RBFOX1: variants seen among roughly 807,000 people sequenced by gnomAD.
The protein encoded by RBFOX1 is RNA binding fox-1 homolog 1.
RBFOX1 carries 8 observed loss-of-function variants against 57.7 expected under a neutral mutation model. The ratio of observed to expected loss-of-function variants is 0.14; its 90% CI spans 0.08 to 0.25. The LOEUF (loss-of-function observed/expected upper bound fraction) is 0.25, where lower values mean the gene tolerates loss of function less well. RBFOX1 is among the 10% of genes least tolerant of loss of function. The pLI is 1.00. For missense variants in RBFOX1, 611 were observed against 548.5 expected (o/e 1.11, Z -1.14); for synonymous variants, 326 against 222.4 (o/e 1.47, Z -4.15).
chr16:7,663,790 C>G (rs2068432868), intron 12 of RBFOX1, among the ~76,000 whole-genome samples: 1 of 152,156 alleles, frequency 6.6e-6, no homozygotes, highest in South Asian at 2.1e-4. Flanking sequence ...TGCAAGATGC[C>G]TTGTGATCCT....
At chr16:7,062,527 T>C (rs1413922868) in intron 4 of RBFOX1, among the ~76,000 whole-genome samples, 1 of 152,094 alleles carries the variant, frequency 6.6e-6, no homozygotes, top group African/African-American at 2.4e-5. Context: ...CTGCCTATGG[T>C]AGCTAGTACT....
chr16:5,952,501 G>T (rs754942382), intron 4 of RBFOX1, among the ~76,000 whole-genome samples: 1 of 152,078 alleles, frequency 6.6e-6, no homozygotes. Flanking sequence ...TGCCCAGGCT[G>T]GTCTCGAACC....
intron 11 of RBFOX1, among the ~76,000 whole-genome samples, chr16:7,653,317 A>C (rs1471403728): frequency 2.0e-5 from 3 of 152,176 alleles, no homozygotes; most frequent in African/African-American, 7.2e-5. Context: ...CCGGGGCAAC[A>C]AAGGGAGATC....
intron 3 of RBFOX1, among the ~76,000 whole-genome samples, chr16:6,726,102 G>A (rs2067107990): frequency 6.6e-6 from 1 of 152,114 alleles, no homozygotes; most frequent in Non-Finnish European, 1.5e-5. Context: ...TTAAATATGA[G>A]AGAACTTTGT....
In RBFOX1 at chr16:7,354,706, G is replaced by C. The variant is rs530641976; in HGVS notation, c.28-163441G>C. ...AGCACTCTCTGGAAACATACTGTGC[G>C]ATATGACGGCCACTAGTCACGTGTC... On this transcript the variant is annotated intron_variant, in intron 4 of 15. Transcript: ENST00000550418. Among the ~76,000 whole-genome samples the C allele has an allele frequency of 1.2e-4, 19 of 152,236 alleles. No individual in the cohort carries two copies. In the South Asian group the frequency reaches 3.9e-3, roughly 32 times the overall value.
At chr16:5,386,314 G>C (rs2066254184) in intron 1 of RBFOX1, among the ~76,000 whole-genome samples, 1 of 152,078 alleles carries the variant, frequency 6.6e-6, no homozygotes, top group South Asian at 2.1e-4. Flanking sequence ...GAAATGACCA[G>C]GTGTGGATGG....
intron 1 of RBFOX1, among the ~76,000 whole-genome samples, chr16:5,357,223 A>C (rs1240448764): frequency 6.6e-6 from 1 of 152,178 alleles, no homozygotes; most frequent in East Asian, 1.9e-4. Context: ...TGCCACAGCC[A>C]TGTTTGTTCT....
At chr16:7,276,211 A>G (rs1322915281) in intron 4 of RBFOX1, among the ~76,000 whole-genome samples, 3 of 152,224 alleles carry the variant, frequency 2.0e-5, no homozygotes, top group Non-Finnish European at 4.4e-5. Flanking sequence ...GTGAAGCAGT[A>G]TCCAGAGACT....
At chr16:5,962,515 C>G (rs920684443) in intron 4 of RBFOX1, among the ~76,000 whole-genome samples, 2 of 152,174 alleles carry the variant, frequency 1.3e-5, no homozygotes, top group African/African-American at 4.8e-5. Flanking sequence ...ATCATCCTCT[C>G]TGGCCTAAAA....
chr16:7,059,663 T>C lies in RBFOX1; in HGVS notation c.27+7565T>C, dbSNP rs1598391372. Among the ~76,000 whole-genome samples, 4 of 152,312 alleles carry C rather than the reference T, an allele frequency of 2.6e-5. No homozygotes were observed. The South Asian group carries it at 8.3e-4, about 32-fold the overall frequency. ...TCACTTATCAAACGTACCAGATTAA[T>C]ACATACTGTCCCATCTCTTTATAAA... On this transcript the variant is annotated intron_variant, in intron 4 of 15. Coordinates refer to ENST00000550418, the MANE Select transcript of RBFOX1 (RefSeq NM_018723.4).
chr16:6,450,823 A>ATG (rs2094592714), intron 2 of RBFOX1, among the ~76,000 whole-genome samples: 3 of 33,500 alleles, frequency 9.0e-5, no homozygotes, highest in East Asian at 6.1e-4. Flanking sequence ...ATATACATAT[A>ATG]TATATATATA....
At chr16:6,645,852 A>C (rs1235541155) in intron 2 of RBFOX1, among the ~76,000 whole-genome samples, 1 of 152,112 alleles carries the variant, frequency 6.6e-6, no homozygotes, top group East Asian at 1.9e-4. Flanking sequence ...TGCTTCTCTT[A>C]CAAATAGGGA....
At chr16:7,435,863 G>A (rs2149722366) in intron 4 of RBFOX1, among the ~76,000 whole-genome samples, 1 of 152,276 alleles carries the variant, frequency 6.6e-6, no homozygotes. Context: ...TGTAGGAGTT[G>A]GCCTGCTGGG....
intron 3 of RBFOX1, among the ~76,000 whole-genome samples, chr16:5,751,873 C>T (rs535283863): frequency 2.6e-5 from 4 of 152,224 alleles, no homozygotes; most frequent in Non-Finnish European, 4.4e-5. Context: ...TGGCAGTTCC[C>T]CAAAGACCTA....
At chr16:7,128,702 T>G (rs1045719373) in intron 4 of RBFOX1, among the ~76,000 whole-genome samples, 3 of 152,228 alleles carry the variant, frequency 2.0e-5, no homozygotes, top group Admixed American at 6.5e-5. Flanking sequence ...GGAACTAAAC[T>G]CTACCACTTG....
intron 2 of RBFOX1, among the ~76,000 whole-genome samples, chr16:6,469,794 A>G (rs1464600002): frequency 6.6e-6 from 1 of 152,192 alleles, no homozygotes; most frequent in Admixed American, 6.5e-5. Flanking sequence ...TGTATCCAAG[A>G]GTACCATCTT....
At position 5,832,693 on chromosome 16, in the gene RBFOX1, A is replaced by G. The variant is rs549195039; in HGVS notation, c.319-34610A>G. Among the ~76,000 whole-genome samples the G allele has an allele frequency of 3.2e-3, 484 of 152,326 alleles. 5 individuals are homozygous for G. The highest frequency in any genetic ancestry group is 0.011 in the African/African-American group (461 of 41,578). On this transcript the variant is annotated intron_variant, in intron 3 of 19. Transcript: ENST00000641259. The stretch of plus-strand genomic sequence containing the variant: ...AATTAGCCTAATCCATAAAATGTCC[A>G]GAGGCCTTTTCATTGGGGGCATCAT...
chr16:7,209,211 T>A (rs1316505238), intron 4 of RBFOX1, among the ~76,000 whole-genome samples: 1 of 151,614 alleles, frequency 6.6e-6, no homozygotes, highest in African/African-American at 2.4e-5. Flanking sequence ...AGTGCATGCA[T>A]GTAATGCCAG....
intron 4 of RBFOX1, among the ~76,000 whole-genome samples, chr16:7,451,698 C>G (rs1375607990): frequency 7.6e-6 from 1 of 130,842 alleles, no homozygotes; most frequent in African/African-American, 2.9e-5. Context: ...CCCGTATTCT[C>G]TTTGTGAAGT....
Sources: gnomAD v4.1 joint callset for allele counts (sites outside exome capture counted in the v4.1 genomes callset) on GRCh38, gnomAD v4.1.1 for gene constraint, MANE v1.5 for transcripts, NCBI Gene and HGNC (gene_info 2026-07-23, HGNC 2026-07-21) for gene names.